WWOX: variants seen among roughly 807,000 people sequenced by gnomAD.
WWOX encodes the protein WW domain containing oxidoreductase.
Under a neutral mutation model 46.2 loss-of-function variants are expected in WWOX, and 69 were observed. The observed-to-expected ratio is 1.49, with a 90% CI of 1.23 to 1.82. The LOEUF (loss-of-function observed/expected upper bound fraction) is 1.82. Among genes scored for constraint, WWOX ranks in the 40% most tolerant of loss-of-function variants. The probability of loss-of-function intolerance (pLI) is 0.00; values close to 1 mark genes in which losing one functional copy is unlikely to be tolerated. For synonymous variants in WWOX, 359 were observed against 202.6 expected, an observed-to-expected ratio of 1.77 and a Z score of -6.56; for missense variants, 919 against 542.6, an observed-to-expected ratio of 1.69 and a Z score of -6.89.
At chr16:78,513,677 G>T (rs976674387) in intron 8 of WWOX, among the ~76,000 whole-genome samples, 2 of 152,186 alleles carry the variant, frequency 1.3e-5, no homozygotes, top group African/African-American at 2.4e-5. Context: ...AAAGGATTCT[G>T]TGTCAAAACT....
chr16:78,483,788 G>A (rs2084559001), intron 8 of WWOX, among the ~76,000 whole-genome samples: 1 of 151,812 alleles, frequency 6.6e-6, no homozygotes, highest in Non-Finnish European at 1.5e-5. Flanking sequence ...GGCTCTTCTT[G>A]TTTATTTATT....
At chr16:78,552,689 C>T (rs914241262) in intron 8 of WWOX, 2 of 152,210 alleles carry the variant, frequency 1.3e-5, no homozygotes, top group Non-Finnish European at 2.9e-5. Context: ...AGTTCTTTCT[C>T]CTCCTAAGAA....
At chr16:78,541,531 G>T (rs1398026871) in intron 8 of WWOX, among the ~76,000 whole-genome samples, 2 of 137,502 alleles carry the variant, frequency 1.5e-5, no homozygotes, top group African/African-American at 5.4e-5. Context: ...CAAATGTTCT[G>T]ACAGAAATAC....
At chr16:78,968,730 A>G (rs886625196) in intron 8 of WWOX, among the ~76,000 whole-genome samples, 3 of 152,142 alleles carry the variant, frequency 2.0e-5, no homozygotes, top group Non-Finnish European at 4.4e-5. Context: ...TTTTGAAACC[A>G]TGCTCATTGG....
Position 79,212,376 on chromosome 16 carries a change from G to C in WWOX, c.*580G>C. On this transcript the variant is annotated 3_prime_UTR_variant, in exon 9 of 9. Coordinates refer to ENST00000566780, the MANE Select transcript of WWOX (RefSeq NM_016373.4). ...ACACCCAGAGGGAGTAGAATACGCA[G>C]AACTACCAGGTGGCAAAGTACTTGT... The C allele has an allele frequency of 2.0e-6, 1 of 509,756 alleles. No homozygotes were observed. The highest frequency in any genetic ancestry group is 3.2e-5 in the East Asian group (1 of 31,530). The allele number at this position is 509,756 out of a possible 1,614,324, so 31.6% of individuals were successfully genotyped here.
chr16:78,576,295 C>T (rs1411824446), intron 8 of WWOX, among the ~76,000 whole-genome samples: 1 of 152,180 alleles, frequency 6.6e-6, no homozygotes, highest in Non-Finnish European at 1.5e-5. Context: ...TTTTTCAGAA[C>T]TCACAAAATG....
intron 5 of WWOX, among the ~76,000 whole-genome samples, chr16:78,283,444 G>T (rs1475147449): frequency 6.6e-6 from 1 of 152,094 alleles, no homozygotes; most frequent in East Asian, 1.9e-4. Flanking sequence ...AATAACTTTT[G>T]TTTAGTGAAA....
intron 8 of WWOX, among the ~76,000 whole-genome samples, chr16:78,578,256 A>ATATATATATATATATTTT (rs2044943064): frequency 4.2e-5 from 1 of 23,748 alleles, no homozygotes; most frequent in African/African-American, 1.1e-4. Flanking sequence ...ACCAAATTTT[A>ATATATATATATATATTTT]TATATATATA....
chr16:78,671,042 A>C (rs976074802), intron 8 of WWOX, among the ~76,000 whole-genome samples: 8 of 152,148 alleles, frequency 5.3e-5, no homozygotes, highest in African/African-American at 1.7e-4. Context: ...AGAGCCTGCA[A>C]GCATTTCTCC....
At chr16:78,141,654 C>T (rs138122611) in intron 4 of WWOX, among the ~76,000 whole-genome samples, 5 of 152,238 alleles carry the variant, frequency 3.3e-5, no homozygotes, top group Admixed American at 1.3e-4. Context: ...ATTAAATACA[C>T]ATACTTGCTT....
At chr16:78,174,411 A>G (rs1219794432) in intron 5 of WWOX, among the ~76,000 whole-genome samples, 1 of 152,138 alleles carries the variant, frequency 6.6e-6, no homozygotes, top group Non-Finnish European at 1.5e-5. Flanking sequence ...CTCCCACAAC[A>G]TGTGGGAATC....
chr16:78,188,859 G>C (rs1050123298), intron 5 of WWOX, among the ~76,000 whole-genome samples: 2 of 152,146 alleles, frequency 1.3e-5, no homozygotes, highest in Non-Finnish European at 2.9e-5. Flanking sequence ...TATGACACAT[G>C]CTCTGTTTTA....
chr16:78,357,320 C>A (rs8044888), intron 5 of WWOX, among the ~76,000 whole-genome samples: 1 of 151,990 alleles, frequency 6.6e-6, no homozygotes, highest in East Asian at 1.9e-4. Flanking sequence ...TAGGTACTTA[C>A]CTTTCTCAGC....
rs201131621 is a variant in WWOX at position 78,327,091 on chromosome 16, C to G, written c.517-59769C>G. 1.2e-4 allele frequency among the ~76,000 whole-genome samples: 19 copies of G among 152,298 alleles called. No homozygotes were observed. The East Asian group carries it at 3.7e-3, about 29-fold the overall frequency. On this transcript the variant is annotated intron_variant, in intron 5 of 8. Transcript: ENST00000566780. ...CAGGAGCATCCATGCACCTCAAATC[C>G]TGACCTTGTGACTTTCAAGTCCCTA...
intron 4 of WWOX, among the ~76,000 whole-genome samples, chr16:78,150,777 C>T (rs2034377524): frequency 1.3e-5 from 2 of 152,202 alleles, no homozygotes; most frequent in Admixed American, 6.5e-5. Context: ...CCTCCTCTTC[C>T]CCCAAGGCGG....
chr16:78,327,509 A>G (rs2080652321), intron 5 of WWOX, among the ~76,000 whole-genome samples: 1 of 152,188 alleles, frequency 6.6e-6, no homozygotes, highest in Non-Finnish European at 1.5e-5. Context: ...TCATGCTTGT[A>G]GAACATGGAG....
intron 8 of WWOX, among the ~76,000 whole-genome samples, chr16:78,580,782 A>G (rs1462972234): frequency 6.6e-6 from 1 of 152,220 alleles, no homozygotes; most frequent in Non-Finnish European, 1.5e-5. Context: ...ATTATTCTTC[A>G]TTTAATAATG....
intron 5 of WWOX, among the ~76,000 whole-genome samples, chr16:78,261,112 A>G (rs899124635): frequency 2.0e-5 from 3 of 151,146 alleles, no homozygotes; most frequent in African/African-American, 4.9e-5. Flanking sequence ...AAATCATTTC[A>G]CATTCACATT....
At chr16:78,644,673 G>C (rs997381424) in intron 8 of WWOX, among the ~76,000 whole-genome samples, 2 of 152,166 alleles carry the variant, frequency 1.3e-5, no homozygotes, top group Non-Finnish European at 2.9e-5. Flanking sequence ...ATGTTTACCA[G>C]GCTGGTCTGG....
Sources: allele counts gnomAD v4.1 joint callset (sites outside exome capture counted in the v4.1 genomes callset), GRCh38; gene constraint gnomAD v4.1.1; transcripts MANE v1.5; gene names NCBI Gene and HGNC (gene_info 2026-07-23, HGNC 2026-07-21).